LEPR: variants seen among roughly 807,000 people sequenced by gnomAD.
LEPR encodes OB receptor.
LEPR carries 56 observed loss-of-function variants against 114.7 expected under a neutral mutation model. That is an observed-to-expected ratio of 0.49 (90% CI 0.39 to 0.61). The LOEUF (loss-of-function observed/expected upper bound fraction) is 0.61, where lower values mean the gene tolerates loss of function less well. Ranked by LOEUF, LEPR falls within the 20% of genes least tolerant of loss-of-function variation. The pLI is 0.00. For synonymous variants in LEPR, 443 were observed against 461.4 expected, an observed-to-expected ratio of 0.96 and a Z score of 0.51; for missense variants, 1,202 against 1,352.9, an observed-to-expected ratio of 0.89 and a Z score of 1.75.
intron 2 of LEPR, among the ~76,000 whole-genome samples, chr1:65,443,733 C>T (rs902288548): frequency 1.3e-5 from 2 of 152,046 alleles, no homozygotes; most frequent in Non-Finnish European, 2.9e-5. Context: ...AATATGTCAC[C>T]TCAAAATATA....
intron 2 of LEPR, among the ~76,000 whole-genome samples, chr1:65,498,439 A>G (rs1419589797): frequency 2.6e-5 from 4 of 152,010 alleles, no homozygotes; most frequent in Non-Finnish European, 5.9e-5. Context: ...TGTAAATACT[A>G]TTACAAAAAA....
intron 2 of LEPR, among the ~76,000 whole-genome samples, chr1:65,490,016 T>C (rs1187677669): frequency 6.6e-6 from 1 of 152,156 alleles, no homozygotes; most frequent in African/African-American, 2.4e-5. Flanking sequence ...GTTTGAACCC[T>C]GGCTCTGCTA....
chr1:65,519,128 C>CTTCA (rs1649498913), intron 2 of LEPR, among the ~76,000 whole-genome samples: 1 of 141,800 alleles, frequency 7.1e-6, no homozygotes, highest in South Asian at 2.3e-4. Context: ...TCCTTCCTTC[C>CTTCA]TTCCTTCCTT....
chr1:65,544,616 A>G (rs940711211), intron 2 of LEPR, among the ~76,000 whole-genome samples: 4 of 151,686 alleles, frequency 2.6e-5, no homozygotes, highest in Non-Finnish European at 4.4e-5. Context: ...TGTTCCATCA[A>G]TACCTAGTTT....
At chr1:65,501,321 TTAGCTTTTGG>T (rs1342775083) in intron 2 of LEPR, among the ~76,000 whole-genome samples, 1 of 148,312 alleles carries the variant, frequency 6.7e-6, no homozygotes, top group Non-Finnish European at 1.5e-5. Flanking sequence ...CTTGCCTCTT[TTAGCTTTTGG>T]TAGCCTCAGG....
intron 2 of LEPR, among the ~76,000 whole-genome samples, chr1:65,500,126 G>A (rs1200821683): frequency 6.6e-6 from 1 of 151,960 alleles, no homozygotes; most frequent in Non-Finnish European, 1.5e-5. Flanking sequence ...TGTAAGATGC[G>A]CCTTGCTTCC....
chr1:65,603,402 A>G (rs1399908161), intron 10 of LEPR, among the ~76,000 whole-genome samples: 1 of 152,150 alleles, frequency 6.6e-6, no homozygotes, highest in Admixed American at 6.6e-5. Context: ...AGAAGACAAG[A>G]AAAAGAAGTG....
intron 2 of LEPR, chr1:65,430,114 G>A (rs1646457728): frequency 7.4e-7 from 1 of 1,354,238 alleles, no homozygotes; most frequent in Non-Finnish European, 9.9e-7. Context: ...CTGTGTCTGG[G>A]ACCTCCATTT....
chr1:65,497,142 T>A (rs912914871), intron 2 of LEPR, among the ~76,000 whole-genome samples: 56 of 152,120 alleles, frequency 3.7e-4, no homozygotes, highest in Non-Finnish European at 1.0e-4. Context: ...GAATTTTTTT[T>A]AGAAAAAATT....
intron 2 of LEPR, among the ~76,000 whole-genome samples, chr1:65,486,073 G>A (rs936481215): frequency 3.9e-5 from 6 of 152,174 alleles, no homozygotes; most frequent in Non-Finnish European, 8.8e-5. Flanking sequence ...GTTGGAGAGG[G>A]AAGCACAATC....
At chr1:65,614,237 A>G (rs1657389483) in intron 14 of LEPR, among the ~76,000 whole-genome samples, 3 of 152,218 alleles carry the variant, frequency 2.0e-5, no homozygotes. Flanking sequence ...TATACTTCTG[A>G]AATGGTGGGT....
chr1:65,519,746 T>G (rs1466707737), intron 2 of LEPR, among the ~76,000 whole-genome samples: 1 of 152,074 alleles, frequency 6.6e-6, no homozygotes, highest in African/African-American at 2.4e-5. Context: ...CACAGCTCAC[T>G]GCAGCCTTGA....
At chr1:65,629,118 CTT>C (rs1658383453) in intron 19 of LEPR, among the ~76,000 whole-genome samples, 1 of 152,118 alleles carries the variant, frequency 6.6e-6, no homozygotes, top group African/African-American at 2.4e-5. Context: ...CCCATATTGT[CTT>C]GTCACTTTTT....
At position 65,488,222 on chromosome 1, in the gene LEPR, C is replaced by CTTTCTTTCTTTCTTTCTT. The variant is rs1284234824; in HGVS notation, c.-21+62845_-21+62846insTTCTTTCTTTCTTTCTTT. 2.4e-3 allele frequency among the ~76,000 whole-genome samples: 171 copies of CTTTCTTTCTTTCTTTCTT among 70,680 alleles called. 2 individuals are homozygous for CTTTCTTTCTTTCTTTCTT. The highest frequency in any genetic ancestry group is 2.9e-3 in the Non-Finnish European group (119 of 40,416). 46.4% of individuals were successfully genotyped at this position (70,680 alleles called of 152,430 possible). A position where few individuals can be genotyped will look rare whatever the true frequency, so the allele number is the denominator to read the frequency against. On this transcript the variant is annotated intron_variant, in intron 2 of 19. Transcript: ENST00000349533. ...TTTCTTTCTTTCTTTCTCTCTCTCT[C>CTTTCTTTCTTTCTTTCTT]TCTCTCTTTCTTTCTTTCTTTCTTT...
intron 5 of LEPR, among the ~76,000 whole-genome samples, chr1:65,575,427 G>A (rs1654516275): frequency 6.7e-6 from 1 of 149,878 alleles, no homozygotes; most frequent in African/African-American, 2.5e-5. Context: ...ATAACTTCAT[G>A]CTTTCACTTA....
intron 2 of LEPR, among the ~76,000 whole-genome samples, chr1:65,504,685 G>T (rs562282541): frequency 2.0e-5 from 3 of 152,254 alleles, no homozygotes; most frequent in Non-Finnish European, 4.4e-5. Context: ...CAGCACCCTG[G>T]TTGGGATACT....
intron 2 of LEPR, among the ~76,000 whole-genome samples, chr1:65,547,388 G>T (rs1156298567): frequency 6.6e-6 from 1 of 152,096 alleles, no homozygotes; most frequent in East Asian, 1.9e-4. Flanking sequence ...AATGGTACCA[G>T]TTCCTCCTTG....
At position 65,633,492 on chromosome 1, in the gene LEPR, T is replaced by C. The variant is rs564910511; in HGVS notation, c.2674-2699T>C. On this transcript the variant is annotated intron_variant, in intron 19 of 19. Coordinates refer to ENST00000349533, the MANE Select transcript of LEPR (RefSeq NM_002303.6). This position sits in a 1 kb window ranked among gnomAD's most constrained non-coding sequence, Gnocchi z 4.1. ...TAAAACATTAAGAAAATTATGGCTG[T>C]TGCTGTCATTACATATCTATTAAAT... 10 of 1,158,402 alleles carry C rather than the reference T, an allele frequency of 8.6e-6. No individual in the cohort carries two copies. The highest frequency in any genetic ancestry group is 1.1e-5 in the Non-Finnish European group (10 of 938,756). 71.8% of individuals were successfully genotyped at this position (1,158,402 alleles called of 1,614,324 possible). A position where few individuals can be genotyped will look rare whatever the true frequency, so the allele number is the denominator to read the frequency against.
intron 2 of LEPR, among the ~76,000 whole-genome samples, chr1:65,556,786 G>A (rs551342330): frequency 3.8e-4 from 58 of 152,236 alleles, no homozygotes; most frequent in African/African-American, 1.3e-3. Context: ...GAGAGCAGTG[G>A]ATGACGAGTG....
Sources: gnomAD v4.1 joint callset for allele counts (sites outside exome capture counted in the v4.1 genomes callset) on GRCh38, gnomAD v4.1.1 for gene constraint, Gnocchi (gnomAD v3.1) non-coding constraint, MANE v1.5 for transcripts, NCBI Gene and HGNC (gene_info 2026-07-23, HGNC 2026-07-21) for gene names.